GLDC: variants seen among roughly 807,000 people sequenced by gnomAD.
GLDC encodes the protein glycine dehydrogenase (decarboxylating), mitochondrial.
In GLDC, 104 loss-of-function variants were observed where a neutral mutation model predicts 121.3. The observed-to-expected ratio is 0.86, with a 90% CI of 0.73 to 1.01. GLDC has a LOEUF of 1.01. Ranked by LOEUF, GLDC falls within the 50% of genes least tolerant of loss-of-function variation. GLDC has a pLI of 0.00. For missense variants in GLDC, 1,429 were observed against 1,306.6 expected (o/e 1.09, Z -1.44); for synonymous variants, 546 against 480.6 (o/e 1.14, Z -1.78).
At chr9:6,543,428 C>G (rs1419549983) in intron 21 of GLDC, among the ~76,000 whole-genome samples, 2 of 152,086 alleles carry the variant, frequency 1.3e-5, no homozygotes, top group Non-Finnish European at 2.9e-5. Context: ...AGAGGAGAGT[C>G]TTCCAAGCAG....
intron 11 of GLDC, among the ~76,000 whole-genome samples, chr9:6,589,868 C>G (rs996094977): frequency 2.6e-5 from 4 of 152,092 alleles, no homozygotes; most frequent in Admixed American, 6.5e-5. Context: ...CATCCTGGCT[C>G]ACATGGTGAA....
intron 14 of GLDC, among the ~76,000 whole-genome samples, chr9:6,587,834 C>G (rs1818301260): frequency 6.6e-6 from 1 of 151,932 alleles, no homozygotes. Flanking sequence ...ATATTCTTAT[C>G]ATGATATAAA....
intron 5 of GLDC, chr9:6,606,295 G>T (rs1165301520): frequency 5.3e-6 from 2 of 377,598 alleles, no homozygotes; most frequent in Admixed American, 4.5e-5. Context: ...GGACGACAGA[G>T]CGAGACTCCG....
intron 2 of GLDC, among the ~76,000 whole-genome samples, chr9:6,629,997 C>T (rs1027723797): frequency 1.2e-5 from 1 of 84,000 alleles, no homozygotes; most frequent in Non-Finnish European, 2.3e-5. Context: ...ACTATGTTTC[C>T]CAGGCTGGTT....
intron 8 of GLDC, among the ~76,000 whole-genome samples, chr9:6,600,856 C>G (rs35287966): frequency 0.21 from 31,312 of 152,072 alleles, 3,692 homozygotes; most frequent in Admixed American, 0.28. Context: ...GGAAGCTCTT[C>G]CTGTTTTATC....
chr9:6,627,569 G>C (rs1819271723), intron 2 of GLDC, among the ~76,000 whole-genome samples: 1 of 152,076 alleles, frequency 6.6e-6, no homozygotes, highest in African/African-American at 2.4e-5. Context: ...AACAAAGTGA[G>C]TTAATAGAAT....
chr9:6,571,019 G>C (rs934196643), intron 15 of GLDC, among the ~76,000 whole-genome samples: 1 of 151,774 alleles, frequency 6.6e-6, no homozygotes, highest in African/African-American at 2.4e-5. Context: ...AATATCTATA[G>C]CATCCAGCAT....
chr9:6,587,382 C>T (rs1818292525), intron 14 of GLDC, 99 bp from the exon 15 acceptor site: 3 of 920,400 alleles, frequency 3.3e-6, no homozygotes, highest in Non-Finnish European at 1.8e-6. Flanking sequence ...AGCTATGTGC[C>T]AGGCACTGTT....
Position 6,621,367 on chromosome 9 carries a change from C to T in GLDC, c.335-1048G>A, listed in dbSNP as rs1172590894. Among the ~76,000 whole-genome samples, 3 of 152,246 alleles carry T rather than the reference C, an allele frequency of 2.0e-5. No individual in the cohort carries two copies. The East Asian group carries it at 5.8e-4, about 29-fold the overall frequency. ...ATTCCACCAGGAATTGTACCATATGCTTTTCGCACAGCCTAGGGTACTGAG... is the reference window on the plus strand; with the variant it reads ...ATTCCACCAGGAATTGTACCATATGTTTTTCGCACAGCCTAGGGTACTGAG... On this transcript the variant is annotated intron_variant, in intron 2 of 24. Transcript: ENST00000321612.
At chr9:6,606,115 G>A in intron 5 of GLDC, 1 of 183,944 alleles carries the variant, frequency 5.4e-6, no homozygotes, top group South Asian at 1.2e-4. Context: ...AGACCATCCT[G>A]GCTAACACGG....
intron 2 of GLDC, among the ~76,000 whole-genome samples, chr9:6,624,603 A>G (rs1026902693): frequency 3.9e-5 from 6 of 152,172 alleles, no homozygotes; most frequent in African/African-American, 1.4e-4. Flanking sequence ...ACTATATTAC[A>G]TGGCAGCCAT....
At chr9:6,628,446 A>T (rs1403156054) in intron 2 of GLDC, among the ~76,000 whole-genome samples, 1 of 152,200 alleles carries the variant, frequency 6.6e-6, no homozygotes, top group African/African-American at 2.4e-5. Flanking sequence ...ACTACAATGA[A>T]ACTAACCAGG....
rs1217388112 is a variant in GLDC at position 6,553,515 on chromosome 9, T to TC, written c.2316-7_2316-6insG. On this transcript the variant is annotated splice_region_variant and splice_polypyrimidine_tract_variant and intron_variant, in intron 19 of 24. Coordinates refer to ENST00000321612, the MANE Select transcript of GLDC (RefSeq NM_000170.3). Reference sequence around the variant, plus strand: ...ACGGGGCGAGATGTTTCTTCCTGTATTTTTTTTAAGTGCAAATTCAGAAAA... The same window carrying TC: ...ACGGGGCGAGATGTTTCTTCCTGTATCTTTTTTTAAGTGCAAATTCAGAAAA... 1.3e-6 allele frequency: 2 copies of TC among 1,520,160 alleles called. No homozygotes were observed. The highest frequency in any genetic ancestry group is 2.3e-5 in the South Asian group (2 of 87,952). 94.2% of individuals were successfully genotyped at this position (1,520,160 alleles called of 1,614,324 possible). A position where few individuals can be genotyped will look rare whatever the true frequency, so the allele number is the denominator to read the frequency against.
intron 19 of GLDC, 105 bp downstream of exon 19, chr9:6,554,564 G>T: frequency 1.2e-6 from 1 of 832,218 alleles, no homozygotes; most frequent in Non-Finnish European, 2.0e-6. Context: ...CACCGATGAG[G>T]GTATCCTCAA....
intron 5 of GLDC, chr9:6,606,202 G>C (rs1343564252): frequency 8.4e-6 from 2 of 239,376 alleles, no homozygotes; most frequent in Non-Finnish European, 8.1e-6. Context: ...CCAGCAACTC[G>C]GGAGGCTGAG....
chr9:6,588,715 A>C lies in GLDC; in HGVS notation c.1581-13T>G, dbSNP rs778908960. 1 of 1,596,804 alleles carries C rather than the reference A, an allele frequency of 6.3e-7. No homozygotes were observed. Among genetic ancestry groups the C allele is most frequent in the Non-Finnish European group, 8.6e-7 (1 of 1,164,204 alleles). On this transcript the variant is annotated splice_polypyrimidine_tract_variant and intron_variant, in intron 12 of 24. Coordinates refer to ENST00000321612, the MANE Select transcript of GLDC (RefSeq NM_000170.3). ...TTCAGAGTGGTAGCTGTGAACACAA[A>C]ACACAGAATTAGGGGCCCCAAAAGT...
At chr9:6,629,957 A>ATATATATATTT in intron 2 of GLDC, among the ~76,000 whole-genome samples, 1 of 83,102 alleles carries the variant, frequency 1.2e-5, no homozygotes, top group African/African-American at 6.9e-5. Context: ...ATATATATAT[A>ATATATATATTT]TTTTTTTTTT....
intron 2 of GLDC, among the ~76,000 whole-genome samples, chr9:6,622,110 A>C (rs1487403504): frequency 1.3e-5 from 2 of 151,476 alleles, no homozygotes; most frequent in East Asian, 3.9e-4. Context: ...TATTTGCATC[A>C]ATCTTTATCC....
rs1387539846 is a variant in GLDC at position 6,602,059 on chromosome 9, T to C, written c.1155+50A>G. On this transcript the variant is annotated intron_variant, in intron 8 of 24. Coordinates refer to ENST00000321612, the MANE Select transcript of GLDC (RefSeq NM_000170.3). ...AATGAATGAATGAATGAGTAGCTCA[T>C]TTCTGTGTATCGTAAGGCATTCAGT... is the stretch of plus-strand genomic sequence containing the variant. The C allele has an allele frequency of 2.8e-6, 3 of 1,075,198 alleles. No homozygotes were observed. The African/African-American group carries it at 4.6e-5, about 17-fold the overall frequency. 66.6% of individuals were successfully genotyped at this position (1,075,198 alleles called of 1,614,324 possible).
Sources: gnomAD v4.1 joint callset for allele counts (sites outside exome capture counted in the v4.1 genomes callset) on GRCh38, gnomAD v4.1.1 for gene constraint, MANE v1.5 for transcripts, NCBI Gene and HGNC (gene_info 2026-07-23, HGNC 2026-07-21) for gene names.